Variants in NPAS3 observed in about 807,000 individuals in gnomAD.
NPAS3 encodes the protein neuronal PAS domain-containing protein 3.
Under a neutral mutation model 73.1 loss-of-function variants are expected in NPAS3, and 14 were observed. The observed-to-expected ratio is 0.19, with a 90% CI of 0.13 to 0.30. The LOEUF (loss-of-function observed/expected upper bound fraction) is 0.30, where lower values mean the gene tolerates loss of function less well. Among genes scored for constraint, NPAS3 ranks in the 10% least tolerant of loss-of-function variants. NPAS3 has a pLI of 1.00. For missense variants in NPAS3, 1,096 were observed against 1,250.0 expected (o/e 0.88, Z 1.86); for synonymous variants, 620 against 541.5 (o/e 1.14, Z -2.01).
chr14:33,429,485 T>A (rs1957319), intron 4 of NPAS3, among the ~76,000 whole-genome samples: 23,936 of 152,140 alleles, frequency 0.16, 2,094 homozygotes, highest in South Asian at 0.26. Context: ...CAACATCATC[T>A]TCTTAGCCAT....
intron 1 of NPAS3, among the ~76,000 whole-genome samples, chr14:32,961,480 C>T (rs1210581470): frequency 4.6e-5 from 7 of 151,730 alleles, no homozygotes; most frequent in Admixed American, 2.0e-4. Flanking sequence ...TATATTGGTC[C>T]TGCTGTTTTC....
intron 3 of NPAS3, among the ~76,000 whole-genome samples, chr14:33,308,510 T>TTTTATATATATATATATATATATATA (rs374327824): frequency 3.6e-5 from 3 of 83,534 alleles, no homozygotes; most frequent in African/African-American, 1.2e-4. Context: ...ATTGCATAGT[T>TTTTATATATATATATATATATATATA]TATATATATA....
chr14:33,775,389 T>A (rs1399387113), intron 8 of NPAS3, among the ~76,000 whole-genome samples: 1 of 152,134 alleles, frequency 6.6e-6, no homozygotes, highest in Non-Finnish European at 1.5e-5. Flanking sequence ...GCAGCGCTGT[T>A]GTCAGGCTTA....
chr14:33,046,136 C>A (rs2040498158), intron 1 of NPAS3, among the ~76,000 whole-genome samples: 1 of 152,100 alleles, frequency 6.6e-6, no homozygotes, highest in Non-Finnish European at 1.5e-5. Context: ...CTTGGTAAAT[C>A]CTGAAAGGTA....
chr14:33,800,661 T>G lies in NPAS3; in HGVS notation c.2354T>G (p.Leu785Arg), dbSNP rs2063682329. Reference sequence around the variant, plus strand: ...GGCCCCAGCGCGTCCAACTCCTTGCTGTACACTGGGGACCTGGAGGCGCTG... The same window carrying G: ...GGCCCCAGCGCGTCCAACTCCTTGCGGTACACTGGGGACCTGGAGGCGCTG... The change falls in exon 12 of 12, where the codon CTG (leucine) becomes CGG (arginine). Residue 785 changes from leucine to arginine, a missense_variant. Around this residue, in one of 5 missense-constraint regions of NPAS3, gnomAD observed 698 missense variants for 676.7 expected, o/e 1.03. Transcript: ENST00000356141. The surrounding 1 kb of genome is among the most constrained non-coding windows in gnomAD (Gnocchi z 6.5). The G allele has an allele frequency of 6.5e-7, 1 of 1,540,358 alleles. No individual in the cohort carries two copies. The highest frequency in any genetic ancestry group is 8.7e-7 in the Non-Finnish European group (1 of 1,145,864).
Position 33,800,392 on chromosome 14 carries a change from GGGC to G in NPAS3, c.2094_2096del (p.Gly706del). 6.2e-7 allele frequency: 1 copy of G among 1,605,560 alleles called. No individual in the cohort carries two copies. The highest frequency in any genetic ancestry group is 1.4e-5 in the African/African-American group (1 of 73,930). On this transcript the variant is annotated inframe_deletion, in exon 12 of 12. Transcript: ENST00000356141. This position sits in a 1 kb window ranked among gnomAD's most constrained non-coding sequence, Gnocchi z 6.5. ...GCTCTGAGCACTTCCCGTCCCCGCA[GGGC>G]GGCGGCGGTGGGGGTGGCGGTGGCG...
intron 5 of NPAS3, among the ~76,000 whole-genome samples, chr14:33,624,496 A>G (rs1268331936): frequency 6.6e-6 from 1 of 151,994 alleles, no homozygotes; most frequent in Non-Finnish European, 1.5e-5. Flanking sequence ...AGATTCTCAG[A>G]GGTCCTTGGC....
At chr14:33,251,718 A>C (rs947133446) in intron 3 of NPAS3, among the ~76,000 whole-genome samples, 22 of 152,276 alleles carry the variant, frequency 1.4e-4, no homozygotes, top group Admixed American at 6.5e-5. Context: ...TAGCCTTAAA[A>C]GGTATTAAAT....
intron 2 of NPAS3, among the ~76,000 whole-genome samples, chr14:33,157,979 G>T (rs1286298978): frequency 2.0e-5 from 3 of 152,156 alleles, no homozygotes; most frequent in African/African-American, 7.2e-5. Flanking sequence ...ATGTTGGCTG[G>T]TAATAATGAT....
At chr14:33,088,060 T>A (rs952500717) in intron 2 of NPAS3, among the ~76,000 whole-genome samples, 3 of 151,976 alleles carry the variant, frequency 2.0e-5, no homozygotes, top group African/African-American at 7.2e-5. Flanking sequence ...CACGGTGCGG[T>A]TCCAAGATCG....
At chr14:33,423,906 T>C (rs2048451255) in intron 4 of NPAS3, among the ~76,000 whole-genome samples, 1 of 151,902 alleles carries the variant, frequency 6.6e-6, no homozygotes, top group Non-Finnish European at 1.5e-5. Flanking sequence ...CCTCCTTCAT[T>C]CCCTCCATTT....
chr14:33,433,313 C>G, intron 4 of NPAS3, among the ~76,000 whole-genome samples: 1 of 152,132 alleles, frequency 6.6e-6, no homozygotes. Context: ...AAATTATAGT[C>G]CCATGTACAT....
At chr14:33,524,106 T>A (rs1217202562) in intron 4 of NPAS3, among the ~76,000 whole-genome samples, 1 of 152,176 alleles carries the variant, frequency 6.6e-6, no homozygotes, top group African/African-American at 2.4e-5. Context: ...TGCTCCTTCT[T>A]ATCCATTAGG....
chr14:33,216,403 A>G (rs752420537), intron 3 of NPAS3, among the ~76,000 whole-genome samples: 1 of 152,214 alleles, frequency 6.6e-6, no homozygotes, highest in Non-Finnish European at 1.5e-5. Flanking sequence ...TGTAGGATTC[A>G]GATTGAAATG....
intron 4 of NPAS3, among the ~76,000 whole-genome samples, chr14:33,428,107 G>C (rs1010727026): frequency 1.3e-5 from 2 of 152,064 alleles, no homozygotes; most frequent in African/African-American, 4.8e-5. Context: ...GCCTTCCAAA[G>C]AGGTTTTTCA....
At chr14:33,339,494 A>G (rs2044373824) in intron 3 of NPAS3, among the ~76,000 whole-genome samples, 1 of 152,214 alleles carries the variant, frequency 6.6e-6, no homozygotes, top group Non-Finnish European at 1.5e-5. Flanking sequence ...GCATGCCATA[A>G]TGTTTAACTG....
chr14:33,772,716 C>G (rs977940422), intron 7 of NPAS3, among the ~76,000 whole-genome samples: 6 of 152,182 alleles, frequency 3.9e-5, no homozygotes, highest in African/African-American at 1.4e-4. Flanking sequence ...TTAGCTATTT[C>G]TCTATTAGTT....
chr14:33,227,450 T>C (rs1325960906), intron 3 of NPAS3, among the ~76,000 whole-genome samples: 2 of 152,308 alleles, frequency 1.3e-5, no homozygotes, highest in East Asian at 1.9e-4. Context: ...ATACTATAGA[T>C]GGATTGGCTT....
intron 2 of NPAS3, among the ~76,000 whole-genome samples, chr14:33,056,541 T>C (rs2040896083): frequency 6.6e-6 from 1 of 152,230 alleles, no homozygotes; most frequent in Admixed American, 6.5e-5. Flanking sequence ...AAATTGAAGT[T>C]GAGTCCTCTG....
Sources: gnomAD v4.1 joint callset for allele counts (sites outside exome capture counted in the v4.1 genomes callset) on GRCh38, gnomAD v4.1.1 for gene constraint, gnomAD v4.1.1 regional missense constraint, Gnocchi (gnomAD v3.1) non-coding constraint, MANE v1.5 for transcripts, NCBI Gene and HGNC (gene_info 2026-07-23, HGNC 2026-07-21) for gene names.